Variants in MED12L observed in about 807,000 individuals in gnomAD.
MED12L encodes the protein mediator of RNA polymerase II transcription subunit 12-like protein.
MED12L carries 60 observed loss-of-function variants against 281.3 expected under a neutral mutation model. The ratio of observed to expected loss-of-function variants is 0.21; its 90% CI spans 0.17 to 0.26. MED12L has a LOEUF of 0.26. Among genes scored for constraint, MED12L ranks in the 10% least tolerant of loss-of-function variants. The pLI, the probability that MED12L is intolerant of heterozygous loss-of-function variation, is 1.00. For missense variants in MED12L, 2,146 were observed against 2,680.9 expected (o/e 0.80, Z 4.41); for synonymous variants, 974 against 987.2 (o/e 0.99, Z 0.25).
In MED12L at chr3:151,190,869, C is replaced by T. The variant is rs199730852; in HGVS notation, c.1906C>T (p.Arg636Trp). The change falls in exon 14 of 45, where the codon CGG becomes TGG. Residue 636 changes from arginine (R) to tryptophan (W), a missense_variant. Transcript: ENST00000687756. ...DLSVTASTRP[R>W]SPVGENADEH... is the part of the protein sequence containing the mutation. ...GTCAGTCACTGCCTCAACTCGGCCG[C>T]GGTCACCAGTAGGGGAAAATGCAGA... 149 of 1,614,102 alleles carry T rather than the reference C, an allele frequency of 9.2e-5. No homozygotes were observed. The highest frequency in any genetic ancestry group is 1.0e-4 in the Non-Finnish European group (122 of 1,180,016).
intron 2 of MED12L, among the ~76,000 whole-genome samples, chr3:151,104,568 G>T (rs375433513): frequency 4.3e-4 from 66 of 152,238 alleles, no homozygotes; most frequent in African/African-American, 1.5e-3. Context: ...CTGCTAAATG[G>T]CCTGGATCCT....
intron 4 of MED12L, among the ~76,000 whole-genome samples, chr3:151,126,168 CCT>C (rs1292961459): frequency 6.6e-6 from 1 of 151,898 alleles, no homozygotes; most frequent in Non-Finnish European, 1.5e-5. Flanking sequence ...CCCACCTCAG[CCT>C]CCTGAGTAGC....
chr3:151,409,481 AAAG>A (rs1716717447), intron 40 of MED12L, 149 bp downstream of exon 40: 1 of 707,326 alleles, frequency 1.4e-6, no homozygotes, highest in Non-Finnish European at 2.4e-6. Context: ...ATATTTCAAA[AAAG>A]CATGATCAGG....
intron 14 of MED12L, among the ~76,000 whole-genome samples, chr3:151,191,800 G>A (rs1227398910): frequency 1.3e-5 from 2 of 152,104 alleles, no homozygotes; most frequent in East Asian, 3.9e-4. Flanking sequence ...CAGCTACTCA[G>A]GAGGCTGAGG....
At chr3:151,277,734 T>C (rs1175097260) in intron 16 of MED12L, among the ~76,000 whole-genome samples, 1 of 152,264 alleles carries the variant, frequency 6.6e-6, no homozygotes, top group South Asian at 2.1e-4. Flanking sequence ...CTAGGACAGA[T>C]ATTTCTGTGA....
chr3:151,416,049 G>A (rs1368826616), intron 42 of MED12L, among the ~76,000 whole-genome samples: 1 of 152,206 alleles, frequency 6.6e-6, no homozygotes, highest in East Asian at 1.9e-4. Context: ...GGACAGCGCA[G>A]TGTGGAATAG....
chr3:151,435,079 T>TTTTC lies in MED12L; in HGVS notation c.*2279_*2282dup, dbSNP rs1719975197. On this transcript the variant is annotated 3_prime_UTR_variant, in exon 45 of 45. Coordinates refer to ENST00000687756, the MANE Select transcript of MED12L (RefSeq NM_001393769.1). ...AGAGGTTTCTTTTTTTTTTTTTTTT[T>TTTTC]TTTCTTTTCTTGCAAATGCATTCTT... is the stretch of plus-strand genomic sequence containing the variant. 6.7e-6 allele frequency: 1 copy of TTTTC among 148,396 alleles called. No homozygotes were observed. The highest frequency in any genetic ancestry group is 6.7e-5 in the Admixed American group (1 of 14,862). 9.2% of individuals were successfully genotyped at this position (148,396 alleles called of 1,614,324 possible).
At chr3:151,152,249 GCCACCATGC>G (rs1483659678) in intron 5 of MED12L, among the ~76,000 whole-genome samples, 1 of 151,724 alleles carries the variant, frequency 6.6e-6, no homozygotes, top group Non-Finnish European at 1.5e-5. Flanking sequence ...ATAGGTGTGT[GCCACCATGC>G]CTGGCTAATT....
intron 16 of MED12L, among the ~76,000 whole-genome samples, chr3:151,310,050 G>A (rs1191907917): frequency 6.6e-6 from 1 of 152,146 alleles, no homozygotes; most frequent in Non-Finnish European, 1.5e-5. Context: ...ATCAAACGCT[G>A]GGCCTGCTGA....
intron 2 of MED12L, among the ~76,000 whole-genome samples, chr3:151,112,535 A>G (rs977251064): frequency 6.6e-6 from 1 of 152,174 alleles, no homozygotes; most frequent in Non-Finnish European, 1.5e-5. Flanking sequence ...CTCCAGGGCC[A>G]TGGACCACAC....
intron 11 of MED12L, among the ~76,000 whole-genome samples, chr3:151,182,300 T>G (rs767504891): frequency 1.2e-4 from 18 of 152,082 alleles, no homozygotes; most frequent in Non-Finnish European, 2.1e-4. Context: ...GAATGAGTTT[T>G]TTTTTTTGTC....
intron 33 of MED12L, among the ~76,000 whole-genome samples, chr3:151,383,162 T>G (rs542024804): frequency 2.6e-5 from 4 of 152,372 alleles, no homozygotes; most frequent in African/African-American, 9.6e-5. Flanking sequence ...CAGAGAAGTT[T>G]TATAGAAATT....
At chr3:151,186,850 C>T (rs1723353249) in intron 12 of MED12L, among the ~76,000 whole-genome samples, 1 of 152,298 alleles carries the variant, frequency 6.6e-6, no homozygotes, top group East Asian at 1.9e-4. Flanking sequence ...AGCTGGACAG[C>T]AGAAAGCTCA....
intron 16 of MED12L, among the ~76,000 whole-genome samples, chr3:151,304,099 A>G (rs1273507828): frequency 6.6e-6 from 1 of 152,110 alleles, no homozygotes; most frequent in African/African-American, 2.4e-5. Context: ...TTGGGGAGAG[A>G]AGCCTAATGA....
At chr3:151,125,685 G>A (rs1162809419) in intron 4 of MED12L, among the ~76,000 whole-genome samples, 1 of 152,104 alleles carries the variant, frequency 6.6e-6, no homozygotes, top group African/African-American at 2.4e-5. Context: ...GCAGCAACTC[G>A]GGTCTTGAAC....
chr3:151,197,374 G>A (rs1489436940), intron 16 of MED12L, among the ~76,000 whole-genome samples: 1 of 152,100 alleles, frequency 6.6e-6, no homozygotes, highest in Non-Finnish European at 1.5e-5. Context: ...ATGTGGGCCA[G>A]GCTAATCTCT....
rs1288860043 is a variant in MED12L, at chr3:151,240,552, T to TA, written c.2250+46892dup. On this transcript the variant is annotated intron_variant, in intron 16 of 44. Coordinates refer to ENST00000687756, the MANE Select transcript of MED12L (RefSeq NM_001393769.1). ...AAGAGGGTCACAGAGGTGAAAGAGC[T>TA]AAAAAACAAAACAAAAGGTGTAGCT... Among the ~76,000 whole-genome samples, 25 of 152,322 alleles carry TA rather than the reference T, an allele frequency of 1.6e-4. 1 individual carries two copies. The highest frequency in any genetic ancestry group is 3.4e-3 in the Middle Eastern group (1 of 294).
chr3:151,147,007 C>T (rs1013258945), intron 5 of MED12L, among the ~76,000 whole-genome samples: 5 of 152,232 alleles, frequency 3.3e-5, no homozygotes, highest in African/African-American at 1.2e-4. Flanking sequence ...CCCATGTGAA[C>T]AGTGGCTGAG....
chr3:151,308,735 TTTAATACAGTCATCA>T (rs1296958837), intron 16 of MED12L, among the ~76,000 whole-genome samples: 1 of 152,182 alleles, frequency 6.6e-6, no homozygotes, highest in Non-Finnish European at 1.5e-5. Context: ...ACCTTGATAT[TTTAATACAGTCATCA>T]TTATAGTTTT....
Sources: allele counts gnomAD v4.1 joint callset (sites outside exome capture counted in the v4.1 genomes callset), GRCh38; gene constraint gnomAD v4.1.1; transcripts MANE v1.5; gene names NCBI Gene and HGNC (gene_info 2026-07-23, HGNC 2026-07-21).